Variants in PECR observed in about 807,000 individuals in gnomAD.
The protein encoded by PECR is peroxisomal trans-2-enoyl-CoA reductase, also known as 2,4-dienoyl-CoA reductase-related protein.
Under a neutral mutation model 35.3 loss-of-function variants are expected in PECR, and 30 were observed. That is an observed-to-expected ratio of 0.85 (90% confidence interval 0.64 to 1.15). The LOEUF is 1.15. Ranked by LOEUF, PECR falls within the 50% of genes most tolerant of loss-of-function variation. PECR has a pLI of 0.00. For synonymous variants in PECR, 148 were observed against 138.9 expected (o/e 1.07, Z -0.46); for missense variants, 392 against 370.8 (o/e 1.06, Z -0.47).
rs79798571 is a variant in PECR at position 216,061,901 on chromosome 2, T to C, written c.425-2925A>G. Among the ~76,000 whole-genome samples, 656 of 152,240 alleles carry C rather than the reference T, an allele frequency of 4.3e-3. 4 individuals carry two copies. Among genetic ancestry groups the C allele is most frequent in the African/African-American group, 0.015 (622 of 41,540 alleles). On this transcript the variant is annotated intron_variant, in intron 3 of 7. Coordinates refer to ENST00000265322, the MANE Select transcript of PECR (RefSeq NM_018441.6). ...AACATGTGTTTATATTTAAGAGATA[T>C]ATAAACAAAGTACCTTTGTATCTGT... is the stretch of plus-strand genomic sequence containing the variant.
chr2:216,047,085 T>A (rs552286917), intron 6 of PECR, among the ~76,000 whole-genome samples: 3 of 152,050 alleles, frequency 2.0e-5, no homozygotes, highest in Non-Finnish European at 4.4e-5. Flanking sequence ...CTGACCAGCA[T>A]GAAGAAACCC....
intron 4 of PECR, among the ~76,000 whole-genome samples, chr2:216,056,192 G>C (rs886586863): frequency 1.3e-5 from 2 of 151,962 alleles, no homozygotes; most frequent in Non-Finnish European, 2.9e-5. Context: ...ACCTGTACTG[G>C]TCAAGTAAAC....
Position 216,045,653 on chromosome 2 carries a change from A to G in PECR, c.715-1638T>C, listed in dbSNP as rs183357534. The stretch of plus-strand genomic sequence containing the variant: ...GAATTCACTATTTAAAAGGTCCCAC[A>G]TTACTGTGAAAAGGCAGATTGTACT... On this transcript the variant is annotated intron_variant, in intron 6 of 7. Transcript: ENST00000265322. Among the ~76,000 whole-genome samples the G allele has an allele frequency of 9.8e-5, 15 of 152,386 alleles. No homozygotes were observed. The East Asian group carries it at 2.9e-3, about 29-fold the overall frequency.
intron 7 of PECR, among the ~76,000 whole-genome samples, chr2:216,042,514 C>G (rs907337512): frequency 5.3e-5 from 8 of 152,172 alleles, no homozygotes; most frequent in Non-Finnish European, 1.2e-4. Context: ...TCTTTAACAA[C>G]AGAAATTCAA....
chr2:216,038,132 A>C (rs1432112495), downstream of PECR, among the ~76,000 whole-genome samples: 3 of 152,142 alleles, frequency 2.0e-5, no homozygotes. Context: ...TAATGATAAA[A>C]AAAAGAAAAT....
intron 4 of PECR, 63 bp downstream of exon 4, chr2:216,058,832 G>A: frequency 1.2e-6 from 1 of 866,818 alleles, no homozygotes; most frequent in Non-Finnish European, 2.0e-6. Flanking sequence ...TCCCTAACAT[G>A]CTTCCCCCAA....
intron 7 of PECR, among the ~76,000 whole-genome samples, chr2:216,030,454 G>A (rs1386188152): frequency 6.6e-6 from 1 of 152,166 alleles, no homozygotes; most frequent in African/African-American, 2.4e-5. Context: ...TTTTTGTAAG[G>A]CTAAAATGAG....
At chr2:216,059,922 T>C (rs78156643) in intron 3 of PECR, among the ~76,000 whole-genome samples, 5,171 of 152,344 alleles carry the variant, frequency 0.034, 125 homozygotes, top group Non-Finnish European at 0.048. Context: ...TAGGATCAGT[T>C]TGTTAATTTC....
At chr2:216,069,960 T>C (rs1448124819) in intron 1 of PECR, among the ~76,000 whole-genome samples, 5 of 150,616 alleles carry the variant, frequency 3.3e-5, no homozygotes. Context: ...AAAGAAACTT[T>C]TGGAAATATT....
intron 4 of PECR, among the ~76,000 whole-genome samples, chr2:216,053,099 C>T (rs1695151538): frequency 6.6e-6 from 1 of 152,112 alleles, no homozygotes; most frequent in Non-Finnish European, 1.5e-5. Context: ...GATGATCTGC[C>T]CGCCTCAGCC....
At chr2:216,030,956 TCACACACA>T (rs1219074422) in intron 7 of PECR, among the ~76,000 whole-genome samples, 3 of 113,348 alleles carry the variant, frequency 2.6e-5, no homozygotes, top group African/African-American at 1.1e-4. Context: ...TCTCTCTCTC[TCACACACA>T]CACACACACA....
In PECR at chr2:216,048,859, A is replaced by C. The variant is rs1409352439; in HGVS notation, c.714+404T>G. Among the ~76,000 whole-genome samples the C allele has an allele frequency of 3.3e-5, 5 of 151,702 alleles. No homozygotes were observed. In the East Asian group the frequency reaches 9.6e-4, roughly 29 times the overall value. ...TGTCTCAAGCAAAAAAAAAAAAAAAAAAAAAAACCGCTGCTGGCAGTTTGG... is the reference window on the plus strand; with the variant it reads ...TGTCTCAAGCAAAAAAAAAAAAAAACAAAAAAACCGCTGCTGGCAGTTTGG... On this transcript the variant is annotated intron_variant, in intron 6 of 7. Transcript: ENST00000265322.
At chr2:216,040,308 G>T (rs1694864748) in intron 7 of PECR, among the ~76,000 whole-genome samples, 1 of 152,130 alleles carries the variant, frequency 6.6e-6, no homozygotes. Flanking sequence ...TGTCAGCCAG[G>T]CTGGAGTGCA....
At position 216,039,115 on chromosome 2, in the gene PECR, CTG is replaced by C. The variant is rs1264478711; in HGVS notation, c.*158_*159del. 4.9e-6 allele frequency: 3 copies of C among 607,598 alleles called. No homozygotes were observed. The highest frequency in any genetic ancestry group is 1.9e-5 in the African/African-American group (1 of 53,796). 37.6% of individuals were successfully genotyped at this position (607,598 alleles called of 1,614,324 possible). A position where few individuals can be genotyped will look rare whatever the true frequency, so the allele number is the denominator to read the frequency against. ...AAAAGACTCTGATTGGGACATAAGA[CTG>C]TATATATTTCAGGAATAGTTTTTCC... On this transcript the variant is annotated 3_prime_UTR_variant, in exon 8 of 8. Coordinates refer to ENST00000265322, the MANE Select transcript of PECR (RefSeq NM_018441.6).
At chr2:216,043,701 T>C (rs1694938866) in intron 7 of PECR, among the ~76,000 whole-genome samples, 1 of 152,172 alleles carries the variant, frequency 6.6e-6, no homozygotes, top group African/African-American at 2.4e-5. Flanking sequence ...AAAAGCTCAG[T>C]TCCATAATAT....
At chr2:216,071,857 C>G (rs1196885366) in intron 1 of PECR, among the ~76,000 whole-genome samples, 1 of 152,068 alleles carries the variant, frequency 6.6e-6, no homozygotes, top group African/African-American at 2.4e-5. Context: ...TCTGTTTGTC[C>G]CTGAAAGTCC....
At chr2:216,079,719 C>T (rs1331097008) in intron 1 of PECR, among the ~76,000 whole-genome samples, 4 of 148,828 alleles carry the variant, frequency 2.7e-5, no homozygotes, top group Non-Finnish European at 6.0e-5. Context: ...CGGTGGCTTA[C>T]GCCTGTAATC....
intron 1 of PECR, among the ~76,000 whole-genome samples, chr2:216,069,348 C>G (rs1695540168): frequency 6.6e-6 from 1 of 152,198 alleles, no homozygotes; most frequent in Non-Finnish European, 1.5e-5. Context: ...ACCTCCTGGT[C>G]TTTCAACAAG....
At chr2:216,049,663 G>T (rs1242586822) in intron 5 of PECR, among the ~76,000 whole-genome samples, 1 of 152,176 alleles carries the variant, frequency 6.6e-6, no homozygotes, top group Non-Finnish European at 1.5e-5. Context: ...GTAAGTAAAT[G>T]AAAGAGGCAC....
Sources: allele counts gnomAD v4.1 joint callset (sites outside exome capture counted in the v4.1 genomes callset), GRCh38; gene constraint gnomAD v4.1.1; transcripts MANE v1.5; gene names NCBI Gene and HGNC (gene_info 2026-07-23, HGNC 2026-07-21).